Variants in ZDHHC5 observed in about 807,000 individuals in gnomAD.
ZDHHC5 encodes palmitoyltransferase ZDHHC5.
ZDHHC5 carries 22 observed loss-of-function variants against 70.0 expected under a neutral mutation model. That is an observed-to-expected ratio of 0.31 (90% CI 0.22 to 0.45). The LOEUF (loss-of-function observed/expected upper bound fraction) is 0.45, where lower values mean the gene tolerates loss of function less well. Among genes scored for constraint, ZDHHC5 ranks in the 20% least tolerant of loss-of-function variants. The pLI is 1.00. For missense variants in ZDHHC5, 746 were observed against 926.9 expected (o/e 0.80, Z 2.53); for synonymous variants, 313 against 347.8 (o/e 0.90, Z 1.11).
Position 57,696,838 on chromosome 11 carries a change from A to G in ZDHHC5, c.1087A>G (p.Thr363Ala). The G allele has an allele frequency of 6.2e-7, 1 of 1,614,022 alleles. No homozygotes were observed. The highest frequency in any genetic ancestry group is 8.5e-7 in the Non-Finnish European group (1 of 1,179,906). ...TCGGCCGGGTTACAGTAGCAGCAGT[A>G]CGTCAGCTGCCATGCCGCATTCCTC... ...KYRPGYSSSS[T>A]SAAMPHSSSA... Residue 363 changes from threonine (T) to alanine (A), a missense_variant, in exon 10 of 12, where the codon ACG becomes GCG. This residue lies in a region of ZDHHC5 where 179 missense variants were observed against 178.4 expected (regional missense o/e 1.00). Coordinates refer to ENST00000287169, the MANE Select transcript of ZDHHC5 (RefSeq NM_015457.3).
chr11:57,693,735 T>A, intron 7 of ZDHHC5, 48 bp from the exon 8 acceptor site: 1 of 1,496,194 alleles, frequency 6.7e-7, no homozygotes, highest in Non-Finnish European at 8.9e-7. Context: ...TATAAATGAA[T>A]GAAAGCTCTC....
In ZDHHC5 at chr11:57,673,213, G is replaced by A; in HGVS notation, c.104+19G>A. On this transcript the variant is annotated intron_variant, in intron 2 of 11. Transcript: ENST00000287169. Reference sequence around the variant, plus strand: ...CCTTTACGTGAGTTTTCTCCCAGCAGGGGTGTTTGGGTGGGTGGATACTCC... The same window carrying A: ...CCTTTACGTGAGTTTTCTCCCAGCAAGGGTGTTTGGGTGGGTGGATACTCC... The A allele has an allele frequency of 6.2e-7, 1 of 1,611,906 alleles. No individual in the cohort carries two copies. The highest frequency in any genetic ancestry group is 8.5e-7 in the Non-Finnish European group (1 of 1,178,214).
At chr11:57,696,206 A>G (rs115730307) in intron 9 of ZDHHC5, among the ~76,000 whole-genome samples, 163 bp downstream of exon 9, 90 of 152,314 alleles carry the variant, frequency 5.9e-4, no homozygotes, top group African/African-American at 2.1e-3. Context: ...GAAAGAGAAG[A>G]GAGGCCATTT....
At chr11:57,680,728 C>G (rs937605331) in intron 2 of ZDHHC5, among the ~76,000 whole-genome samples, 1 of 152,198 alleles carries the variant, frequency 6.6e-6, no homozygotes, top group Non-Finnish European at 1.5e-5. Flanking sequence ...TTCTCTCCCT[C>G]CTTCTTAAGG....
intron 8 of ZDHHC5, among the ~76,000 whole-genome samples, chr11:57,694,155 C>G (rs1253068615): frequency 6.6e-6 from 1 of 151,882 alleles, no homozygotes; most frequent in Non-Finnish European, 1.5e-5. Flanking sequence ...CCTTGCCTGG[C>G]TAATTTTTGT....
chr11:57,694,555 T>C (rs984848183), intron 8 of ZDHHC5, among the ~76,000 whole-genome samples: 1 of 151,944 alleles, frequency 6.6e-6, no homozygotes, highest in African/African-American at 2.4e-5. Flanking sequence ...AGAGGCAGGG[T>C]TTTCCTATGT....
chr11:57,700,609 C>G lies in ZDHHC5; in HGVS notation c.*578C>G, dbSNP rs900791625. On this transcript the variant is annotated 3_prime_UTR_variant, in exon 12 of 12. Coordinates refer to ENST00000287169, the MANE Select transcript of ZDHHC5 (RefSeq NM_015457.3). ...TCCCAGTTACTAACTACGGAAATAG[C>G]ATCCTCTGCTGGTGCTAAGTGTGAT... is the stretch of plus-strand genomic sequence containing the variant. 6.6e-6 allele frequency: 1 copy of G among 152,496 alleles called. No individual in the cohort carries two copies. Among genetic ancestry groups the G allele is most frequent in the Non-Finnish European group, 1.5e-5 (1 of 68,028 alleles). 9.4% of individuals were successfully genotyped at this position (152,496 alleles called of 1,614,324 possible). A position where few individuals can be genotyped will look rare whatever the true frequency, so the allele number is the denominator to read the frequency against.
chr11:57,700,395 C>T lies in ZDHHC5; in HGVS notation c.*364C>T, dbSNP rs1946426963. On this transcript the variant is annotated 3_prime_UTR_variant, in exon 12 of 12. Coordinates refer to ENST00000287169, the MANE Select transcript of ZDHHC5 (RefSeq NM_015457.3). The stretch of plus-strand genomic sequence containing the variant: ...CTATTTTTTTCCTCTTCTGCGTTAC[C>T]AGGTGTGTGTGTACATATAATATAT... 6.6e-6 allele frequency: 1 copy of T among 151,052 alleles called. No individual in the cohort carries two copies. Among genetic ancestry groups the T allele is most frequent in the African/African-American group, 2.5e-5 (1 of 39,954 alleles). 9.4% of individuals were successfully genotyped at this position (151,052 alleles called of 1,614,324 possible). A position where few individuals can be genotyped will look rare whatever the true frequency, so the allele number is the denominator to read the frequency against.
rs147968554 is a variant in ZDHHC5 at position 57,690,187 on chromosome 11, G to A, written c.541G>A (p.Val181Ile). Residue 181 changes from valine (V) to isoleucine (I), a missense_variant, in exon 5 of 12, where the codon GTC becomes ATC. Around this residue, in one of 6 missense-constraint regions of ZDHHC5, gnomAD observed 114 missense variants for 179.3 expected, o/e 0.64. Coordinates refer to ENST00000287169, the MANE Select transcript of ZDHHC5 (RefSeq NM_015457.3). Reference sequence around the variant, plus strand: ...CTACCACATAGAGGAACTCTCAGGGGTCCGCACGGCTGTCACGTATCCTTC... The same window carrying A: ...CTACCACATAGAGGAACTCTCAGGGATCCGCACGGCTGTCACGTATCCTTC... Reference protein sequence around the residue: ...VLYHIEELSGVRTAVTMAVMC... With the variant: ...VLYHIEELSGIRTAVTMAVMC... 207 of 1,614,128 alleles carry A rather than the reference G, an allele frequency of 1.3e-4. No homozygotes were observed. Among genetic ancestry groups the A allele is most frequent in the South Asian group, 1.8e-4 (16 of 91,080 alleles).
At position 57,696,758 on chromosome 11, in the gene ZDHHC5, C is replaced by T. The variant is rs1373359907; in HGVS notation, c.1010-3C>T. The T allele has an allele frequency of 6.2e-7, 1 of 1,612,960 alleles. No individual in the cohort carries two copies. Among genetic ancestry groups the T allele is most frequent in the East Asian group, 2.2e-5 (1 of 44,818 alleles). ...AGTGCCCCCTTGGCCTTTTTTCTTG[C>T]AGATAGTAGCTTATTGGCCAAGGAC... On this transcript the variant is annotated splice_polypyrimidine_tract_variant and splice_region_variant and intron_variant, in intron 9 of 11. Transcript: ENST00000287169.
intron 2 of ZDHHC5, among the ~76,000 whole-genome samples, chr11:57,678,230 ATGATAATGATGG>A (rs1946097656): frequency 6.6e-6 from 1 of 152,190 alleles, no homozygotes; most frequent in Admixed American, 6.5e-5. Flanking sequence ...ATTGATGATG[ATGATAATGATGG>A]TGATAGTTAA....
chr11:57,695,448 T>C (rs1015145306), intron 8 of ZDHHC5, among the ~76,000 whole-genome samples: 3 of 152,060 alleles, frequency 2.0e-5, no homozygotes, highest in African/African-American at 4.8e-5. Flanking sequence ...TTTCTTCATC[T>C]AATGCTATAC....
At chr11:57,699,827 C>A in intron 11 of ZDHHC5, 39 bp from the exon 12 acceptor site, 1 of 1,612,936 alleles carries the variant, frequency 6.2e-7, no homozygotes, top group South Asian at 1.1e-5. Context: ...TGTTTTCTGT[C>A]CCATTTCCTG....
At position 57,699,894 on chromosome 11, in the gene ZDHHC5, A is replaced by C; in HGVS notation, c.2011A>C (p.Ser671Arg). Residue 671 changes from serine (S) to arginine (R), a missense_variant, in exon 12 of 12, where the codon AGC becomes CGC. Ser to Arg is a moderately radical substitution (Grantham distance 110). Around this residue, in one of 6 missense-constraint regions of ZDHHC5, gnomAD observed 340 missense variants for 350.1 expected, o/e 0.97. Transcript: ENST00000287169. ...TGAAGTACAGCTGAAGACCACCTAC[A>C]GCAAATCCAACGGGCAGCCCAAGAG... ...KDEVQLKTTY[S>R]KSNGQPKSLG... is the part of the protein sequence containing the mutation. The C allele has an allele frequency of 3.1e-6, 5 of 1,614,250 alleles. No individual in the cohort carries two copies. Among genetic ancestry groups the C allele is most frequent in the Non-Finnish European group, 3.4e-6 (4 of 1,180,050 alleles).
chr11:57,690,342 G>A lies in ZDHHC5; in HGVS notation c.565G>A (p.Val189Ile), dbSNP rs372679034. 1.9e-6 allele frequency: 3 copies of A among 1,614,184 alleles called. No individual in the cohort carries two copies. Among genetic ancestry groups the A allele is most frequent in the East Asian group, 2.2e-5 (1 of 44,890 alleles). Residue 189 changes from valine to isoleucine, a missense_variant, in exon 6 of 12, where the codon GTA (valine) becomes ATA (isoleucine). Coordinates refer to ENST00000287169, the MANE Select transcript of ZDHHC5 (RefSeq NM_015457.3). ...TTGATTGTTTGGCATCAGAATGGCAGTAATGTGTGTGGCTGGCTTATTCTT... is the reference window on the plus strand; with the variant it reads ...TTGATTGTTTGGCATCAGAATGGCAATAATGTGTGTGGCTGGCTTATTCTT... ...SGVRTAVTMA[V>I]MCVAGLFFIP...
chr11:57,673,872 G>A (rs971547984), intron 2 of ZDHHC5, among the ~76,000 whole-genome samples: 5 of 152,106 alleles, frequency 3.3e-5, no homozygotes, highest in African/African-American at 9.7e-5. Context: ...ATGCTGGGCC[G>A]ACTAAAGCCT....
rs115028269 is a variant in ZDHHC5 at position 57,679,576 on chromosome 11, C to A, written c.105-2846C>A. 1.1e-3 allele frequency among the ~76,000 whole-genome samples: 165 copies of A among 152,290 alleles called. 1 individual carries two copies. The highest frequency in any genetic ancestry group is 3.8e-3 in the African/African-American group (158 of 41,564). ...GTAGTCCTGTCAATGAGTCAGCCAG[C>A]CTTCTGGGCTGTGACCACTCCCTAG... On this transcript the variant is annotated intron_variant, in intron 2 of 11. Transcript: ENST00000287169.
intron 9 of ZDHHC5, 95 bp from the exon 10 acceptor site, chr11:57,696,666 C>A: frequency 9.2e-7 from 1 of 1,088,554 alleles, no homozygotes; most frequent in Non-Finnish European, 1.4e-6. Flanking sequence ...ATAATCGTGC[C>A]ACTGCACTCT....
intron 9 of ZDHHC5, among the ~76,000 whole-genome samples, 174 bp from the exon 10 acceptor site, chr11:57,696,587 A>C (rs1449730921): frequency 2.6e-5 from 4 of 152,160 alleles, no homozygotes; most frequent in Non-Finnish European, 4.4e-5. Flanking sequence ...GCATGGTGGC[A>C]TATGCCTGCA....
Sources: allele counts gnomAD v4.1 joint callset (sites outside exome capture counted in the v4.1 genomes callset), GRCh38; gene constraint gnomAD v4.1.1; regional missense constraint gnomAD v4.1.1; transcripts MANE v1.5; gene names NCBI Gene and HGNC (gene_info 2026-07-23, HGNC 2026-07-21).